Variants in KIF16B observed in about 807,000 individuals in gnomAD.
The protein encoded by KIF16B is kinesin-like protein KIF16B.
A neutral mutation model predicts 156.3 loss-of-function variants in KIF16B; 98 were observed. The observed-to-expected ratio is 0.63, with a 90% CI of 0.53 to 0.74. The LOEUF (loss-of-function observed/expected upper bound fraction) is 0.74, where lower values mean the gene tolerates loss of function less well. Among genes scored for constraint, KIF16B ranks in the 30% least tolerant of loss-of-function variants. KIF16B has a pLI of 0.00. For synonymous variants in KIF16B, 564 were observed against 583.7 expected (o/e 0.97, Z 0.49); for missense variants, 1,421 against 1,606.5 (o/e 0.88, Z 1.97).
chr20:16,330,106 A>T (rs1369454696), intron 24 of KIF16B, among the ~76,000 whole-genome samples: 1 of 152,150 alleles, frequency 6.6e-6, no homozygotes, highest in African/African-American at 2.4e-5. Context: ...TATGGAACCC[A>T]GTGTCTTCTT....
At chr20:16,312,268 A>G (rs2063630160) in intron 25 of KIF16B, 67 bp downstream of exon 25, 1 of 1,179,124 alleles carries the variant, frequency 8.5e-7, no homozygotes, top group Non-Finnish European at 1.2e-6. Context: ...TTTAACAGAA[A>G]CAATTCTTAC....
rs562646517 is a variant in KIF16B at position 16,375,070 on chromosome 20, A to G, written c.3198-661T>C. ...GTTCCATGAGAAACTAAAATAAACC[A>G]TAAAATTAACCTCCAGTGATAAGTG... On this transcript the variant is annotated intron_variant, in intron 19 of 25. Coordinates refer to ENST00000354981, the MANE Select transcript of KIF16B (RefSeq NM_024704.5). Among the ~76,000 whole-genome samples, 229 of 152,206 alleles carry G rather than the reference A, an allele frequency of 1.5e-3. 1 individual carries two copies. The highest frequency in any genetic ancestry group is 3.9e-3 in the Admixed American group (59 of 15,304).
chr20:16,313,302 C>T (rs904705218), intron 24 of KIF16B, among the ~76,000 whole-genome samples: 5 of 152,202 alleles, frequency 3.3e-5, no homozygotes, highest in African/African-American at 1.2e-4. Context: ...CAATGTAGGG[C>T]ACAATATGTC....
At chr20:16,471,907 A>G (rs1229132029) in intron 12 of KIF16B, among the ~76,000 whole-genome samples, 2 of 152,242 alleles carry the variant, frequency 1.3e-5, no homozygotes, top group Non-Finnish European at 2.9e-5. Flanking sequence ...AACACCAAAG[A>G]TAATGACATG....
In KIF16B at chr20:16,338,250, G is replaced by A. The variant is rs190375717; in HGVS notation, c.3622-2235C>T. Reference sequence around the variant, plus strand: ...CTCCCCCCACACTCTTCATCCTACCGTGCTGGGATGGCGGTCGATACTCTT... The same window carrying A: ...CTCCCCCCACACTCTTCATCCTACCATGCTGGGATGGCGGTCGATACTCTT... On this transcript the variant is annotated intron_variant, in intron 23 of 25. Coordinates refer to ENST00000354981, the MANE Select transcript of KIF16B (RefSeq NM_024704.5). Among the ~76,000 whole-genome samples, 259 of 152,218 alleles carry A rather than the reference G, an allele frequency of 1.7e-3. 2 individuals carry two copies. The highest frequency in any genetic ancestry group is 9.6e-4 in the Non-Finnish European group (65 of 68,028).
chr20:16,349,442 C>T (rs2064293821), intron 23 of KIF16B, among the ~76,000 whole-genome samples: 1 of 152,226 alleles, frequency 6.6e-6, no homozygotes. Flanking sequence ...AAGTGGAGGG[C>T]ACACACCTGC....
chr20:16,380,126 C>A lies in KIF16B; in HGVS notation c.1876G>T (p.Asp626Tyr). Residue 626 changes from aspartate to tyrosine, a missense_variant, in exon 19 of 26, where the codon GAC becomes TAC. Transcript: ENST00000354981. ...TGCATCCGCTCCAGTTCAGCCTTGT[C>A]TGATTTCTGCTTTTCCTCCATTTCT... ...IEEMEEKQKS[D>Y]KAELERMQQE... The A allele has an allele frequency of 1.3e-6, 2 of 1,514,928 alleles. No homozygotes were observed. The highest frequency in any genetic ancestry group is 1.8e-6 in the Non-Finnish European group (2 of 1,135,744). 93.8% of individuals were successfully genotyped at this position (1,514,928 alleles called of 1,614,324 possible). A position where few individuals can be genotyped will look rare whatever the true frequency, so the allele number is the denominator to read the frequency against.
intron 17 of KIF16B, among the ~76,000 whole-genome samples, chr20:16,382,744 T>C (rs2065128488): frequency 6.6e-6 from 1 of 152,282 alleles, no homozygotes; most frequent in African/African-American, 2.4e-5. Context: ...CACTGCCAGC[T>C]ACCTCCCCCC....
intron 1 of KIF16B, among the ~76,000 whole-genome samples, chr20:16,554,430 G>A (rs1053148536): frequency 6.6e-6 from 1 of 152,184 alleles, no homozygotes; most frequent in Non-Finnish European, 1.5e-5. Context: ...TCTCCTCTCT[G>A]CTGAGCGCTG....
intron 17 of KIF16B, among the ~76,000 whole-genome samples, chr20:16,388,749 G>C (rs544448181): frequency 6.6e-6 from 1 of 152,118 alleles, no homozygotes; most frequent in East Asian, 1.9e-4. Context: ...AAAAATGAGG[G>C]GGTGGGAATT....
At chr20:16,282,315 G>A (rs1167476118) in intron 25 of KIF16B, among the ~76,000 whole-genome samples, 1 of 151,762 alleles carries the variant, frequency 6.6e-6, no homozygotes, top group African/African-American at 2.4e-5. Flanking sequence ...TTACAGGCAT[G>A]AGCCATCGCG....
chr20:16,567,094 G>A (rs2071280749), intron 1 of KIF16B, among the ~76,000 whole-genome samples: 1 of 152,166 alleles, frequency 6.6e-6, no homozygotes, highest in Non-Finnish European at 1.5e-5. Context: ...ATAATGAAAG[G>A]ACTTTAGGAA....
chr20:16,382,070 T>A, intron 17 of KIF16B: 2 of 1,308,642 alleles, frequency 1.5e-6, no homozygotes, highest in African/African-American at 3.0e-5. Flanking sequence ...TTAGCACTGA[T>A]GAGTATATAA....
chr20:16,480,343 T>A (rs1296548322), intron 12 of KIF16B, among the ~76,000 whole-genome samples: 2 of 152,112 alleles, frequency 1.3e-5, no homozygotes, highest in Non-Finnish European at 2.9e-5. Flanking sequence ...GAGTCTTTCT[T>A]AGACAGAAGA....
rs539029486 is a variant in KIF16B at position 16,357,972 on chromosome 20, G to A, written c.3499-1520C>T. 2.0e-5 allele frequency among the ~76,000 whole-genome samples: 3 copies of A among 152,340 alleles called. No individual in the cohort carries two copies. In the South Asian group the frequency reaches 6.2e-4, roughly 32 times the overall value. On this transcript the variant is annotated intron_variant, in intron 22 of 25. Coordinates refer to ENST00000354981, the MANE Select transcript of KIF16B (RefSeq NM_024704.5). ...TGGGAGGCCAAGGCAGGTTGATCAA[G>A]AGGTCAGGAGATCGAGACCATCCTG...
At chr20:16,412,855 A>G (rs1397876563) in intron 15 of KIF16B, among the ~76,000 whole-genome samples, 1 of 152,136 alleles carries the variant, frequency 6.6e-6, no homozygotes, top group Admixed American at 6.6e-5. Context: ...CTTAAAATGC[A>G]ATAAGCAAAC....
chr20:16,571,765 G>A (rs1345585915), intron 1 of KIF16B, among the ~76,000 whole-genome samples: 1 of 151,930 alleles, frequency 6.6e-6, no homozygotes, highest in Non-Finnish European at 1.5e-5. Flanking sequence ...GAGTAGCTGG[G>A]ACTACAGGCG....
intron 4 of KIF16B, among the ~76,000 whole-genome samples, chr20:16,513,659 T>TAAAAAA (rs10713040): frequency 8.9e-6 from 1 of 112,722 alleles, no homozygotes; most frequent in Non-Finnish European, 1.8e-5. Flanking sequence ...AAACTACGTT[T>TAAAAAA]AAAAAAAAAA....
chr20:16,520,126 GT>G (rs201085118), intron 3 of KIF16B, among the ~76,000 whole-genome samples: 17,691 of 145,154 alleles, frequency 0.12, 1,223 homozygotes, highest in East Asian at 0.33. Flanking sequence ...AGCTGCAGGA[GT>G]TTTTTTTTTT....
Sources: gnomAD v4.1 joint callset for allele counts (sites outside exome capture counted in the v4.1 genomes callset) on GRCh38, gnomAD v4.1.1 for gene constraint, MANE v1.5 for transcripts, NCBI Gene and HGNC (gene_info 2026-07-23, HGNC 2026-07-21) for gene names.